DIS3: variants seen among roughly 807,000 people sequenced by gnomAD.
DIS3 encodes DIS3 exosome endoribonuclease and 3'-5' exoribonuclease, also known as exosome complex exonuclease RRP44.
DIS3 carries 103 observed loss-of-function variants against 113.0 expected under a neutral mutation model. The ratio of observed to expected loss-of-function variants is 0.91; its 90% confidence interval spans 0.78 to 1.07. The LOEUF (loss-of-function observed/expected upper bound fraction) is 1.07, where lower values mean the gene tolerates loss of function less well. Ranked by LOEUF, DIS3 falls within the 50% of genes least tolerant of loss-of-function variation. The probability of loss-of-function intolerance (pLI) is 0.00; values close to 1 mark genes in which losing one functional copy is unlikely to be tolerated. For missense variants in DIS3, 1,121 were observed against 1,167.1 expected (o/e 0.96, Z 0.58); for synonymous variants, 402 against 394.3 (o/e 1.02, Z -0.23).
rs1006978114 is a variant in DIS3 at position 72,755,059 on chromosome 13, C to T, written c.*4736G>A. ...TCCCTTCAGAGTTCAGCTAAAGAAA[C>T]GTGCTTTTAGGTTTTAAAAACAGTC... On this transcript the variant is annotated 3_prime_UTR_variant, in exon 21 of 21. Coordinates refer to ENST00000377767, the MANE Select transcript of DIS3 (RefSeq NM_014953.5). 4.8e-5 allele frequency: 48 copies of T among 994,582 alleles called. No homozygotes were observed. In the Admixed American group the frequency reaches 6.4e-4, roughly 13 times the overall value. The allele number at this position is 994,582 out of a possible 1,614,324, so 61.6% of individuals were successfully genotyped here. A position where few individuals can be genotyped will look rare whatever the true frequency, so the allele number is the denominator to read the frequency against.
At chr13:72,770,814 T>G in intron 13 of DIS3, 90 bp downstream of exon 13, 1 of 761,016 alleles carries the variant, frequency 1.3e-6, no homozygotes, top group East Asian at 2.8e-5. Flanking sequence ...TATATATACG[T>G]ACATGTGAAT....
At position 72,771,120 on chromosome 13, in the gene DIS3, A is replaced by G. The variant is rs753101594; in HGVS notation, c.1631T>C (p.Leu544Pro). The change falls in exon 12 of 21, where the codon CTT becomes CCT. Residue 544 changes from leucine to proline, a missense_variant. Physicochemically the swap from Leu to Pro is moderately conservative, Grantham distance 98. This residue lies in a region of DIS3 where 861 missense variants were observed against 915.5 expected (regional missense o/e 0.94). Transcript: ENST00000377767. ...EKRIDMVPEL[L>P]SSNLCSLKCD... ...TTTTAAGGAACACAAGTTAGAGCTA[A>G]GCAACTCTGGAACCATGTCAATCCT... 5 of 1,613,770 alleles carry G rather than the reference A, an allele frequency of 3.1e-6. No individual in the cohort carries two copies.
chr13:72,756,190 T>C lies in DIS3; in HGVS notation c.*3605A>G, dbSNP rs936855061. ...ATTCAAAAGGGAATAAAGACCTGTG[T>C]TATCAATGTGTCATTTTCTTCTTTC... On this transcript the variant is annotated 3_prime_UTR_variant, in exon 21 of 21. Coordinates refer to ENST00000377767, the MANE Select transcript of DIS3 (RefSeq NM_014953.5). The C allele has an allele frequency of 2.3e-5, 1 of 42,850 alleles. No individual in the cohort carries two copies. Among genetic ancestry groups the C allele is most frequent in the Non-Finnish European group, 3.7e-5 (1 of 27,030 alleles). 2.7% of individuals were successfully genotyped at this position (42,850 alleles called of 1,614,324 possible). A position where few individuals can be genotyped will look rare whatever the true frequency, so the allele number is the denominator to read the frequency against.
rs756038345 is a variant in DIS3 at position 72,772,782 on chromosome 13, A to G, written c.1297T>C (p.Leu433=). 3 of 1,613,376 alleles carry G rather than the reference A, an allele frequency of 1.9e-6. No individual in the cohort carries two copies. Among genetic ancestry groups the G allele is most frequent in the Admixed American group, 1.7e-5 (1 of 59,782 alleles). ...VGEKETETEV[L]LLEHDVPHQP... ...TGGGGAACATCGTGTTCAAGTAACA[A>G]AACTTCTGTTTCAGTCTCTTTCTCT... The change falls in exon 9 of 21, where the codon TTG becomes CTG. Residue 433 remains leucine, a synonymous_variant. Coordinates refer to ENST00000377767, the MANE Select transcript of DIS3 (RefSeq NM_014953.5).
rs2033935022 is a variant in DIS3 at position 72,773,537 on chromosome 13, A to G, written c.1239+147T>C. On this transcript the variant is annotated intron_variant, in intron 8 of 20. Coordinates refer to ENST00000377767, the MANE Select transcript of DIS3 (RefSeq NM_014953.5). ...CATAAAATTAATTTTCAAAGTAGAC[A>G]TGCTACTTACCAGGTCACTTTGTGA... 7 of 784,810 alleles carry G rather than the reference A, an allele frequency of 8.9e-6. No homozygotes were observed. The South Asian group carries it at 1.5e-4, about 17-fold the overall frequency. The allele number at this position is 784,810 out of a possible 1,614,324, so 48.6% of individuals were successfully genotyped here. A position where few individuals can be genotyped will look rare whatever the true frequency, so the allele number is the denominator to read the frequency against.
intron 10 of DIS3, 94 bp downstream of exon 10, chr13:72,772,065 A>G: frequency 7.9e-7 from 1 of 1,261,298 alleles, no homozygotes; most frequent in Non-Finnish European, 1.1e-6. Context: ...ATACTTCACA[A>G]GAGTAATTAA....
At chr13:72,771,406 C>T (rs747569236) in intron 11 of DIS3, among the ~76,000 whole-genome samples, 4 of 152,160 alleles carry the variant, frequency 2.6e-5, no homozygotes, top group African/African-American at 4.8e-5. Context: ...CACTAACGAC[C>T]TAGCTGTCCT....
At chr13:72,772,976 A>G in intron 8 of DIS3, 137 bp from the exon 9 acceptor site, 1 of 983,812 alleles carries the variant, frequency 1.0e-6, no homozygotes, top group Non-Finnish European at 1.4e-6. Context: ...ATGACCCTTT[A>G]GTAAATTAGA....
At chr13:72,768,605 T>C (rs926451177) in intron 14 of DIS3, among the ~76,000 whole-genome samples, 180 bp downstream of exon 14, 1 of 152,134 alleles carries the variant, frequency 6.6e-6, no homozygotes, top group African/African-American at 2.4e-5. Context: ...GATTGTGCCA[T>C]TGCACTCCAG....
intron 14 of DIS3, among the ~76,000 whole-genome samples, chr13:72,767,065 T>A (rs2033767264): frequency 6.6e-6 from 1 of 152,150 alleles, no homozygotes; most frequent in South Asian, 2.1e-4. Flanking sequence ...AAAAGCAAGG[T>A]ATACTTATCA....
chr13:72,753,356 T>TG lies in DIS3; in HGVS notation c.*6438dup, dbSNP rs546495092. Reference sequence around the variant, plus strand: ...TTAGAGACAAGCCTGGAAAATGCGTTGGAAGGTGAAGTTAGTTGTAATACT... The same window carrying TG: ...TTAGAGACAAGCCTGGAAAATGCGTTGGGAAGGTGAAGTTAGTTGTAATACT... On this transcript the variant is annotated 3_prime_UTR_variant, in exon 21 of 21. Transcript: ENST00000377767. 1.5e-4 allele frequency: 26 copies of TG among 174,762 alleles called. No homozygotes were observed. In the South Asian group the frequency reaches 3.3e-3, roughly 22 times the overall value. 10.8% of individuals were successfully genotyped at this position (174,762 alleles called of 1,614,324 possible).
intron 19 of DIS3, 33 bp downstream of exon 19, chr13:72,761,330 C>A (rs183364285): frequency 1.3e-6 from 2 of 1,565,492 alleles, no homozygotes; most frequent in Non-Finnish European, 1.7e-6. Flanking sequence ...AAGTGCCCCC[C>A]GGAAAAGAAA....
In DIS3 at chr13:72,775,274, C is replaced by T; in HGVS notation, c.924G>A (p.Val308=). 6.2e-7 allele frequency: 1 copy of T among 1,613,554 alleles called. No individual in the cohort carries two copies. Among genetic ancestry groups the T allele is most frequent in the Non-Finnish European group, 8.5e-7 (1 of 1,179,644 alleles). The change falls in exon 6 of 21, where the codon GTG becomes GTA. Residue 308 remains valine (V), a synonymous_variant. Transcript: ENST00000377767. ...PKSQWVAPSS[V]VLHDEGQNEE... is the part of the protein sequence containing the mutation. ...CATTTTGACCTTCATCATGTAAAACCACAGAAGATGGTGCTACCCACTGAC... is the reference window on the plus strand; with the variant it reads ...CATTTTGACCTTCATCATGTAAAACTACAGAAGATGGTGCTACCCACTGAC...
chr13:72,777,387 T>C (rs1269452768), intron 4 of DIS3, 33 bp downstream of exon 4: 5 of 1,603,954 alleles, frequency 3.1e-6, no homozygotes, highest in Non-Finnish European at 4.3e-6. Flanking sequence ...TATTTTAATA[T>C]TTTTACTTTT....
At chr13:72,771,979 G>A (rs77807178) in intron 10 of DIS3, 83 bp from the exon 11 acceptor site, 18,229 of 1,472,582 alleles carry the variant, frequency 0.012, 149 homozygotes, top group Non-Finnish European at 0.015. Context: ...ATAAAGTTTA[G>A]CTAAATTTAA....
At position 72,759,517 on chromosome 13, in the gene DIS3, T is replaced by G. The variant is rs1454533890; in HGVS notation, c.*278A>C. 1 of 287,658 alleles carries G rather than the reference T, an allele frequency of 3.5e-6. No individual in the cohort carries two copies. Among genetic ancestry groups the G allele is most frequent in the Non-Finnish European group, 6.5e-6 (1 of 154,474 alleles). 17.8% of individuals were successfully genotyped at this position (287,658 alleles called of 1,614,324 possible). On this transcript the variant is annotated 3_prime_UTR_variant, in exon 21 of 21. Coordinates refer to ENST00000377767, the MANE Select transcript of DIS3 (RefSeq NM_014953.5). Reference sequence around the variant, plus strand: ...CAATGAGATGAGCACTCCATTTAAATGATCTTTACAGATCCCTGAAGTTGC... The same window carrying G: ...CAATGAGATGAGCACTCCATTTAAAGGATCTTTACAGATCCCTGAAGTTGC...
At position 72,759,826 on chromosome 13, in the gene DIS3, G is replaced by A. The variant is rs747344390; in HGVS notation, c.2846C>T (p.Pro949Leu). 1.2e-6 allele frequency: 2 copies of A among 1,612,262 alleles called. No individual in the cohort carries two copies. The highest frequency in any genetic ancestry group is 1.7e-5 in the Admixed American group (1 of 59,864). The change falls in exon 21 of 21, where the codon CCA (proline) becomes CTA (leucine). Residue 949 changes from proline to leucine, a missense_variant. This residue lies in a region of DIS3 where 861 missense variants were observed against 915.5 expected (regional missense o/e 0.94). Transcript: ENST00000377767. Reference protein sequence around the residue: ...TDTSNMDLNGPKKKKMKLGK With the variant: ...TDTSNMDLNGLKKKKMKLGK ...TCCAAGCTTCATCTTCTTTTTCTTTGGTCCATTAAGGTCCATGTTTGAAGT... is the reference window on the plus strand; with the variant it reads ...TCCAAGCTTCATCTTCTTTTTCTTTAGTCCATTAAGGTCCATGTTTGAAGT...
Position 72,756,181 on chromosome 13 carries a change from A to ATAT in DIS3, c.*3613_*3614insATA. 2.8e-5 allele frequency: 1 copy of ATAT among 35,508 alleles called. No homozygotes were observed. The highest frequency in any genetic ancestry group is 4.4e-5 in the Non-Finnish European group (1 of 22,888). The allele number at this position is 35,508 out of a possible 1,614,324, so 2.2% of individuals were successfully genotyped here. The stretch of plus-strand genomic sequence containing the variant: ...AACTGTCTCATTCAAAAGGGAATAA[A>ATAT]GACCTGTGTTATCAATGTGTCATTT... On this transcript the variant is annotated 3_prime_UTR_variant, in exon 21 of 21. Transcript: ENST00000377767.
chr13:72,779,528 C>G (rs1205796229), intron 2 of DIS3, among the ~76,000 whole-genome samples: 1 of 152,100 alleles, frequency 6.6e-6, no homozygotes, highest in Non-Finnish European at 1.5e-5. Flanking sequence ...TTCTGGATTT[C>G]AAGGAGGTAC....
Sources: gnomAD v4.1 joint callset for allele counts (sites outside exome capture counted in the v4.1 genomes callset) on GRCh38, gnomAD v4.1.1 for gene constraint, gnomAD v4.1.1 regional missense constraint, MANE v1.5 for transcripts, NCBI Gene and HGNC (gene_info 2026-07-23, HGNC 2026-07-21) for gene names.